The following SCIMP variants were observed in gnomAD, a reference collection of about 807,000 sequenced individuals.
SCIMP encodes SLP adaptor and CSK interacting membrane protein, also known as SLP adapter and CSK-interacting membrane protein.
In SCIMP, 18 loss-of-function variants were observed where a neutral mutation model predicts 22.0. The observed-to-expected ratio is 0.82, with a 90% confidence interval of 0.56 to 1.21. The LOEUF (loss-of-function observed/expected upper bound fraction) is 1.21. SCIMP is among the 50% of genes most tolerant of loss of function. The pLI is 0.00. For missense variants in SCIMP, 155 were observed against 171.2 expected (o/e 0.91, Z 0.53); for synonymous variants, 53 against 62.2 (o/e 0.85, Z 0.70).
intron 3 of SCIMP, among the ~76,000 whole-genome samples, chr17:5,219,791 C>A (rs973162643): frequency 2.0e-5 from 3 of 152,140 alleles, no homozygotes; most frequent in Non-Finnish European, 4.4e-5. Context: ...GTATTCCATG[C>A]CTACATGACT....
chr17:5,215,033 G>C, intron 3 of SCIMP, 35 bp from the exon 4 acceptor site: 1 of 1,399,346 alleles, frequency 7.1e-7, no homozygotes, highest in Non-Finnish European at 1.0e-6. Flanking sequence ...TCAGTGTTTG[G>C]TTTGGGCCAT....
intron 4 of SCIMP, 73 bp from the exon 5 acceptor site, chr17:5,211,028 C>T (rs1318804992): frequency 1.4e-5 from 22 of 1,525,556 alleles, no homozygotes; most frequent in South Asian, 9.3e-5. Context: ...AGTGGCTCAG[C>T]GTGATTTTCA....
chr17:5,220,893 A>G (rs950970890), intron 3 of SCIMP: 4 of 340,904 alleles, frequency 1.2e-5, no homozygotes, highest in African/African-American at 8.7e-5. Context: ...CCCCATTTCT[A>G]CTAAAAATAC....
chr17:5,226,618 G>C (rs1363749477), intron 1 of SCIMP, among the ~76,000 whole-genome samples: 1 of 149,820 alleles, frequency 6.7e-6, no homozygotes, highest in African/African-American at 2.5e-5. Flanking sequence ...CGATTCTTCT[G>C]CCTCAGCCTC....
Position 5,210,918 on chromosome 17 carries a change from G to T in SCIMP, c.321C>A (p.Tyr107Ter). 6.2e-7 allele frequency: 1 copy of T among 1,613,770 alleles called. No individual in the cohort carries two copies. The highest frequency in any genetic ancestry group is 8.5e-7 in the Non-Finnish European group (1 of 1,179,950). ...TATTTTTAACTTTATTTACCAGTGAGTATGTAGCGGGCGGCTGACTTGGGG... is the reference window on the plus strand; with the variant it reads ...TATTTTTAACTTTATTTACCAGTGATTATGTAGCGGGCGGCTGACTTGGGG... Reference protein sequence around the residue: ...QEAPSQPPATYSLVNKVKNKK... With the variant: ...QEAPSQPPAT Residue 107 changes from tyrosine (Y) to a stop codon, truncating the protein, a stop_gained, in exon 5 of 5, where the codon TAC (tyrosine) becomes TAA (stop). Coordinates refer to ENST00000574081, the MANE Select transcript of SCIMP (RefSeq NM_207103.3). LOFTEE classifies it high-confidence loss of function.
rs1190898128 is a variant in SCIMP at position 5,210,822 on chromosome 17, ATTT to A, written c.414_416del (p.Asn139del). On this transcript the variant is annotated inframe_deletion, in exon 5 of 5. Transcript: ENST00000574081. ...TGTTTCAAAATGATGCTTTTTCAGT[ATTT>A]GCAGGGATTTCAACATCGTCATAGT... 6.2e-7 allele frequency: 1 copy of A among 1,609,852 alleles called. No homozygotes were observed. The highest frequency in any genetic ancestry group is 8.5e-7 in the Non-Finnish European group (1 of 1,179,086).
intron 1 of SCIMP, among the ~76,000 whole-genome samples, chr17:5,227,291 CA>C (rs140949747): frequency 2.0e-4 from 8 of 40,036 alleles, no homozygotes; most frequent in Admixed American, 9.0e-4. Context: ...CACACACACA[CA>C]ACACACACAC....
chr17:5,230,187 C>T (rs1045897499), intron 1 of SCIMP, among the ~76,000 whole-genome samples: 4 of 152,156 alleles, frequency 2.6e-5, no homozygotes, highest in African/African-American at 9.7e-5. Flanking sequence ...TGCTTAACGT[C>T]TCCTTGCAGG....
intron 4 of SCIMP, chr17:5,213,824 G>A (rs955370338): frequency 6.6e-6 from 1 of 152,096 alleles, no homozygotes; most frequent in African/African-American, 2.4e-5. Flanking sequence ...CTCCAGCCTG[G>A]GTGAGAAACC....
At chr17:5,226,478 G>A (rs1051628204) in intron 1 of SCIMP, among the ~76,000 whole-genome samples, 1 of 151,236 alleles carries the variant, frequency 6.6e-6, no homozygotes, top group Non-Finnish European at 1.5e-5. Context: ...ACCGCAGAGA[G>A]GCACTTTTTC....
intron 1 of SCIMP, among the ~76,000 whole-genome samples, chr17:5,234,301 C>T (rs759568425): frequency 1.3e-5 from 2 of 151,904 alleles, no homozygotes; most frequent in East Asian, 3.9e-4. Context: ...TAAATTGACA[C>T]AGTCAGTGCC....
intron 1 of SCIMP, among the ~76,000 whole-genome samples, chr17:5,230,905 C>T (rs946263874): frequency 3.3e-5 from 5 of 152,168 alleles, no homozygotes; most frequent in African/African-American, 1.2e-4. Context: ...ACCATCAGTG[C>T]ACTCTAGCCT....
intron 1 of SCIMP, among the ~76,000 whole-genome samples, chr17:5,232,964 G>A (rs532672475): frequency 1.1e-3 from 174 of 152,054 alleles, no homozygotes; most frequent in Admixed American, 2.8e-3. Context: ...CACCTGCCTC[G>A]GCCTCCCAAA....
chr17:5,228,764 T>C (rs2074671572), intron 1 of SCIMP, among the ~76,000 whole-genome samples: 1 of 152,214 alleles, frequency 6.6e-6, no homozygotes, highest in Non-Finnish European at 1.5e-5. Context: ...TCTCCCACAC[T>C]GATGGGCAAG....
intron 2 of SCIMP, 159 bp downstream of exon 2, chr17:5,223,174 G>T (rs1007562248): frequency 1.4e-6 from 1 of 698,476 alleles, no homozygotes; most frequent in Non-Finnish European, 2.5e-6. Context: ...GAGACATAAT[G>T]TAGTGGCAGG....
chr17:5,224,100 G>C (rs2074628960), intron 1 of SCIMP, among the ~76,000 whole-genome samples: 1 of 152,202 alleles, frequency 6.6e-6, no homozygotes, highest in African/African-American at 2.4e-5. Flanking sequence ...TGCAGCAGGA[G>C]GGGGAAGGTG....
At chr17:5,227,313 A>ACACG (rs2074657467) in intron 1 of SCIMP, among the ~76,000 whole-genome samples, 1 of 151,450 alleles carries the variant, frequency 6.6e-6, no homozygotes, top group Non-Finnish European at 1.5e-5. Context: ...ACACACACAC[A>ACACG]CACACACACA....
chr17:5,215,153 G>T, intron 3 of SCIMP, 155 bp from the exon 4 acceptor site: 1 of 568,132 alleles, frequency 1.8e-6, no homozygotes, highest in Non-Finnish European at 3.2e-6. Flanking sequence ...GTAGGTCCTG[G>T]TTCCCATTTG....
At position 5,215,050 on chromosome 17, in the gene SCIMP, T is replaced by C. The variant is rs142099189; in HGVS notation, c.210-52A>G. 40 of 1,112,156 alleles carry C rather than the reference T, an allele frequency of 3.6e-5. No individual in the cohort carries two copies. In the Middle Eastern group the frequency reaches 1.4e-3, roughly 38 times the overall value. 68.9% of individuals were successfully genotyped at this position (1,112,156 alleles called of 1,614,324 possible). ...AGTGTTTGGTTTGGGCCATGCCTGC[T>C]CCCAGCCGATTTAAGAGAAAACATC... On this transcript the variant is annotated intron_variant, in intron 3 of 4. Coordinates refer to ENST00000574081, the MANE Select transcript of SCIMP (RefSeq NM_207103.3).
Sources: gnomAD v4.1 joint callset for allele counts (sites outside exome capture counted in the v4.1 genomes callset) on GRCh38, gnomAD v4.1.1 for gene constraint, MANE v1.5 for transcripts, NCBI Gene and HGNC (gene_info 2026-07-23, HGNC 2026-07-21) for gene names.